Variants in SUPT3H observed in about 807,000 individuals in gnomAD.
The protein encoded by SUPT3H is SPT3 homolog, SAGA and STAGA complex component, also known as transcription initiation protein SPT3 homolog.
Under a neutral mutation model 44.3 loss-of-function variants are expected in SUPT3H, and 44 were observed. The ratio of observed to expected loss-of-function variants is 0.99; its 90% confidence interval spans 0.78 to 1.28. The LOEUF (loss-of-function observed/expected upper bound fraction) is 1.28, where lower values mean the gene tolerates loss of function less well. Among genes scored for constraint, SUPT3H ranks in the 50% most tolerant of loss-of-function variants. SUPT3H has a pLI of 0.00. For synonymous variants in SUPT3H, 124 were observed against 125.6 expected, an observed-to-expected ratio of 0.99 and a Z score of 0.09; for missense variants, 380 against 387.1, an observed-to-expected ratio of 0.98 and a Z score of 0.15.
intron 2 of SUPT3H, among the ~76,000 whole-genome samples, chr6:45,233,547 G>A (rs906959466): frequency 1.3e-5 from 2 of 152,204 alleles, no homozygotes; most frequent in African/African-American, 4.8e-5. Context: ...GTTAACTGCT[G>A]AGGTTCTCTC....
At chr6:44,929,832 G>A (rs1562067548) in intron 10 of SUPT3H, among the ~76,000 whole-genome samples, 1 of 150,408 alleles carries the variant, frequency 6.6e-6, no homozygotes, top group African/African-American at 2.5e-5. Flanking sequence ...CCGCGTTATT[G>A]ACACACACAG....
intron 2 of SUPT3H, among the ~76,000 whole-genome samples, chr6:45,296,585 A>G (rs1342811145): frequency 1.3e-5 from 2 of 151,720 alleles, no homozygotes; most frequent in Admixed American, 1.3e-4. Flanking sequence ...CTAAAAATAT[A>G]AAAATTAGCG....
chr6:45,336,359 T>C (rs951289217), intron 2 of SUPT3H, among the ~76,000 whole-genome samples: 2 of 151,384 alleles, frequency 1.3e-5, no homozygotes, highest in African/African-American at 4.8e-5. Context: ...TGTACACCAA[T>C]AGGACTAGAG....
chr6:45,059,018 G>A (rs1265308261), intron 3 of SUPT3H, among the ~76,000 whole-genome samples: 1 of 152,084 alleles, frequency 6.6e-6, no homozygotes, highest in Non-Finnish European at 1.5e-5. Flanking sequence ...ATAGGTGTAA[G>A]ATAGGAAGCA....
chr6:45,205,403 T>C (rs1317038379), intron 2 of SUPT3H, among the ~76,000 whole-genome samples: 1 of 152,214 alleles, frequency 6.6e-6, no homozygotes, highest in Non-Finnish European at 1.5e-5. Context: ...GGTCATGGCA[T>C]ACCATTCCAC....
At chr6:45,170,010 A>C (rs1810514693) in intron 2 of SUPT3H, among the ~76,000 whole-genome samples, 1 of 152,238 alleles carries the variant, frequency 6.6e-6, no homozygotes, top group Non-Finnish European at 1.5e-5. Context: ...ATGGTCACAC[A>C]TTAAGTCAGA....
At chr6:44,992,327 C>T (rs1011179999) in intron 6 of SUPT3H, among the ~76,000 whole-genome samples, 14 of 152,076 alleles carry the variant, frequency 9.2e-5, no homozygotes, top group Admixed American at 3.3e-4. Context: ...GTCAAATATC[C>T]GTTTAGGCAA....
At chr6:45,025,699 T>C (rs562922498) in intron 3 of SUPT3H, among the ~76,000 whole-genome samples, 7 of 151,922 alleles carry the variant, frequency 4.6e-5, no homozygotes, top group Admixed American at 6.6e-5. Context: ...CTGGCTAACA[T>C]GGTGAAACAC....
intron 1 of SUPT3H, among the ~76,000 whole-genome samples, chr6:45,372,487 T>C (rs548736586): frequency 6.6e-6 from 1 of 152,222 alleles, no homozygotes; most frequent in Non-Finnish European, 1.5e-5. Context: ...AATTCAGTCA[T>C]AAAACCACTA....
Position 44,830,233 on chromosome 6 carries a change from G to A in SUPT3H, c.913-376C>T, listed in dbSNP as rs760150611. ...TTCTAACTAACTAAGTATCTTAATA[G>A]TCTATAAATTACTGACTCATTACTG... On this transcript the variant is annotated intron_variant, in intron 10 of 10. Coordinates refer to ENST00000371459, the MANE Select transcript of SUPT3H (RefSeq NM_003599.4). Among the ~76,000 whole-genome samples the A allele has an allele frequency of 2.6e-5, 4 of 152,108 alleles. No individual in the cohort carries two copies. The East Asian group carries it at 7.7e-4, about 29-fold the overall frequency.
chr6:44,952,994 T>C (rs902754467), intron 9 of SUPT3H, among the ~76,000 whole-genome samples: 62 of 152,300 alleles, frequency 4.1e-4, no homozygotes, highest in African/African-American at 1.5e-3. Context: ...AAATGACTTT[T>C]CCAACATTAC....
intron 1 of SUPT3H, among the ~76,000 whole-genome samples, chr6:45,373,549 G>T (rs1391447145): frequency 2.6e-5 from 4 of 152,050 alleles, no homozygotes; most frequent in African/African-American, 9.7e-5. Context: ...TATTATTTGT[G>T]TGTGTGTGTG....
At chr6:45,074,402 AAAGTT>A (rs2153554558) in intron 3 of SUPT3H, among the ~76,000 whole-genome samples, 1 of 152,128 alleles carries the variant, frequency 6.6e-6, no homozygotes, top group South Asian at 2.1e-4. Flanking sequence ...AAAGGAACAA[AAAGTT>A]TGAATAGACA....
intron 2 of SUPT3H, among the ~76,000 whole-genome samples, chr6:45,318,814 GAT>G (rs1427248057): frequency 2.6e-5 from 4 of 152,074 alleles, no homozygotes; most frequent in Non-Finnish European, 5.9e-5. Context: ...AGTACCAAGA[GAT>G]AGTGAAATAA....
Position 44,998,795 on chromosome 6 carries a change from T to C in SUPT3H, c.504+4858A>G, listed in dbSNP as rs150163875. On this transcript the variant is annotated intron_variant, in intron 6 of 10. Coordinates refer to ENST00000371459, the MANE Select transcript of SUPT3H (RefSeq NM_003599.4). ...TATCTTTGTATTTTCATTTTTCCTG[T>C]CTTCTCTATTTTATTGTAAAATTTC... is the stretch of plus-strand genomic sequence containing the variant. Among the ~76,000 whole-genome samples, 387 of 152,126 alleles carry C rather than the reference T, an allele frequency of 2.5e-3. 2 individuals carry two copies. Among genetic ancestry groups the C allele is most frequent in the African/African-American group, 8.5e-3 (354 of 41,562 alleles).
intron 6 of SUPT3H, among the ~76,000 whole-genome samples, chr6:44,973,030 C>A (rs983919569): frequency 6.6e-6 from 1 of 152,200 alleles, no homozygotes; most frequent in African/African-American, 2.4e-5. Context: ...ATGCAAATTT[C>A]TGCAGCAGGC....
intron 5 of SUPT3H, among the ~76,000 whole-genome samples, chr6:45,014,298 C>A (rs1409741146): frequency 6.6e-6 from 1 of 151,908 alleles, no homozygotes; most frequent in African/African-American, 2.4e-5. Context: ...TCTTACCATC[C>A]CAAACTTCAT....
At chr6:45,017,236 T>C (rs1180012315) in intron 4 of SUPT3H, among the ~76,000 whole-genome samples, 8 of 150,352 alleles carry the variant, frequency 5.3e-5, no homozygotes, top group Admixed American at 5.3e-4. Context: ...TTGTAGATTC[T>C]GGATATTAGC....
chr6:45,353,266 A>G (rs1563007287), intron 2 of SUPT3H, among the ~76,000 whole-genome samples: 1 of 152,122 alleles, frequency 6.6e-6, no homozygotes, highest in East Asian at 1.9e-4. Flanking sequence ...TGCACTTAGA[A>G]TTTGTTTTGG....
Sources: gnomAD v4.1 joint callset for allele counts (sites outside exome capture counted in the v4.1 genomes callset) on GRCh38, gnomAD v4.1.1 for gene constraint, MANE v1.5 for transcripts, NCBI Gene and HGNC (gene_info 2026-07-23, HGNC 2026-07-21) for gene names.